CAST: variants seen among roughly 807,000 people sequenced by gnomAD.
The protein encoded by CAST is calpastatin, also known as MIR583 host.
Under a neutral mutation model 119.6 loss-of-function variants are expected in CAST, and 76 were observed. The ratio of observed to expected loss-of-function variants is 0.64; its 90% CI spans 0.53 to 0.77. The LOEUF is 0.77. Ranked by LOEUF, CAST falls within the 30% of genes least tolerant of loss-of-function variation. The pLI is 0.00. For synonymous variants in CAST, 319 were observed against 331.6 expected (o/e 0.96, Z 0.41); for missense variants, 953 against 946.5 (o/e 1.01, Z -0.09).
chr5:96,163,598 T>C, the CAST span, among the ~76,000 whole-genome samples: 1 of 152,242 alleles, frequency 6.6e-6, no homozygotes, highest in African/African-American at 2.4e-5. Context: ...CCACTGGAAA[T>C]GTAAAAGGAT....
At chr5:96,735,842 A>G (rs568266565) in intron 9 of CAST, among the ~76,000 whole-genome samples, 2 of 152,334 alleles carry the variant, frequency 1.3e-5, no homozygotes, top group Non-Finnish European at 2.9e-5. Context: ...GAAAGAATTC[A>G]TGGATGTTGT....
the CAST span, among the ~76,000 whole-genome samples, chr5:96,005,458 C>T: frequency 1.3e-5 from 2 of 151,900 alleles, no homozygotes; most frequent in Non-Finnish European, 2.9e-5. Flanking sequence ...TATCCTAATA[C>T]TGATAAATGA....
At chr5:96,536,845 A>G (rs2150178934) in intron 1 of CAST, among the ~76,000 whole-genome samples, 1 of 150,822 alleles carries the variant, frequency 6.6e-6, no homozygotes, top group Non-Finnish European at 1.5e-5. Context: ...TTTTTTTTAT[A>G]GAAAGAAGGA....
chr5:96,774,533 T>A lies in CAST; in HGVS notation c.*1917T>A, dbSNP rs1773642687. On this transcript the variant is annotated 3_prime_UTR_variant, in exon 32 of 32. Transcript: ENST00000675179. ...TTATCAAAAAGGTTTCTGCACATTG[T>A]TGTGGCAATATTGTATCTGTTTAGA... 1.0e-6 allele frequency: 1 copy of A among 986,082 alleles called. No individual in the cohort carries two copies. The allele number at this position is 986,082 out of a possible 1,614,324, so 61.1% of individuals were successfully genotyped here.
chr5:96,628,198 T>G (rs11958228), intron 1 of CAST, among the ~76,000 whole-genome samples: 3 of 152,140 alleles, frequency 2.0e-5, no homozygotes, highest in African/African-American at 7.2e-5. Context: ...AAAAGTTTGA[T>G]AACTTATTAA....
chr5:96,164,346 TGAAATCAAAGGGACA>T, the CAST span, among the ~76,000 whole-genome samples: 1 of 152,224 alleles, frequency 6.6e-6, no homozygotes, highest in Non-Finnish European at 1.5e-5. Context: ...AAGTGTCAAC[TGAAATCAAAGGGACA>T]GAGCTAAAGT....
chr5:96,134,665 C>T, the CAST span, among the ~76,000 whole-genome samples: 1 of 152,298 alleles, frequency 6.6e-6, no homozygotes, highest in African/African-American at 2.4e-5. Context: ...AGAGAGGTGG[C>T]AGGCCAGTGG....
the CAST span, among the ~76,000 whole-genome samples, chr5:96,384,777 A>G: frequency 6.6e-6 from 1 of 152,174 alleles, no homozygotes; most frequent in Admixed American, 6.6e-5. Context: ...GTCCCTGAAT[A>G]TGCTCCAGGA....
At chr5:96,627,073 G>A (rs1054075549) in intron 1 of CAST, among the ~76,000 whole-genome samples, 1 of 152,186 alleles carries the variant, frequency 6.6e-6, no homozygotes, top group African/African-American at 2.4e-5. Context: ...ACATGTCAAG[G>A]TTAAAAATGC....
chr5:96,437,547 G>A, the CAST span, among the ~76,000 whole-genome samples: 2 of 152,134 alleles, frequency 1.3e-5, no homozygotes, highest in African/African-American at 4.8e-5. Flanking sequence ...CCTGAAGTAT[G>A]TCTTTCTATG....
chr5:96,723,385 T>G (rs972310571), intron 4 of CAST, among the ~76,000 whole-genome samples: 2 of 152,220 alleles, frequency 1.3e-5, no homozygotes, highest in African/African-American at 4.8e-5. Context: ...GCTAAAATGG[T>G]CTTACTATTC....
chr5:96,418,925 T>C, the CAST span, among the ~76,000 whole-genome samples: 1 of 152,086 alleles, frequency 6.6e-6, no homozygotes, highest in Non-Finnish European at 1.5e-5. Context: ...GATTTCTCAC[T>C]GAAAGAAGGT....
At chr5:96,383,665 C>A in the CAST span, among the ~76,000 whole-genome samples, 1 of 152,196 alleles carries the variant, frequency 6.6e-6, no homozygotes, top group Admixed American at 6.5e-5. Flanking sequence ...CCAGGATGGT[C>A]TTGATCTCCT....
At chr5:96,300,474 C>T in the CAST span, among the ~76,000 whole-genome samples, 6 of 152,028 alleles carry the variant, frequency 3.9e-5, no homozygotes, top group African/African-American at 7.2e-5. Flanking sequence ...ATTTTTATGC[C>T]GATACCATGC....
chr5:96,395,940 A>T, the CAST span, among the ~76,000 whole-genome samples: 9 of 152,210 alleles, frequency 5.9e-5, no homozygotes, highest in African/African-American at 1.9e-4. Context: ...TTAAAATCTA[A>T]AATATCTTTA....
At chr5:95,981,671 C>G in the CAST span, among the ~76,000 whole-genome samples, 1 of 152,164 alleles carries the variant, frequency 6.6e-6, no homozygotes, top group Middle Eastern at 3.4e-3. Flanking sequence ...GTCAAGAGAT[C>G]GAGACCTTCC....
intron 1 of CAST, among the ~76,000 whole-genome samples, chr5:96,573,655 T>C (rs1746613327): frequency 6.6e-6 from 1 of 151,202 alleles, no homozygotes; most frequent in South Asian, 2.1e-4. Flanking sequence ...AAAAATGACA[T>C]GCACAGATCA....
intron 10 of CAST, among the ~76,000 whole-genome samples, chr5:96,737,317 A>G (rs1016385895): frequency 5.7e-5 from 8 of 141,300 alleles, no homozygotes. Context: ...GCAAGTGAAC[A>G]ACAACAAAAA....
At chr5:96,534,379 C>T (rs1279532964) in intron 1 of CAST, among the ~76,000 whole-genome samples, 3 of 115,938 alleles carry the variant, frequency 2.6e-5, no homozygotes, top group Non-Finnish European at 3.7e-5. Flanking sequence ...CGTTACTTGT[C>T]CTGTTTCGGT....
Sources: allele counts gnomAD v4.1 joint callset (sites outside exome capture counted in the v4.1 genomes callset), GRCh38; gene constraint gnomAD v4.1.1; transcripts MANE v1.5; gene names NCBI Gene and HGNC (gene_info 2026-07-23, HGNC 2026-07-21).